Variants in BACH1 observed in about 807,000 individuals in gnomAD.
The protein encoded by BACH1 is transcription regulator protein BACH1.
A neutral mutation model predicts 52.9 loss-of-function variants in BACH1; 35 were observed. The ratio of observed to expected loss-of-function variants is 0.66; its 90% CI spans 0.51 to 0.88. The LOEUF is 0.88. Ranked by LOEUF, BACH1 falls within the 40% of genes least tolerant of loss-of-function variation. BACH1 has a pLI of 0.00. For missense variants in BACH1, 808 were observed against 872.6 expected (o/e 0.93, Z 0.93); for synonymous variants, 321 against 319.6 (o/e 1.00, Z -0.05).
downstream of BACH1, among the ~76,000 whole-genome samples, chr21:29,346,746 G>A (rs2089171065): frequency 6.6e-6 from 1 of 152,250 alleles, no homozygotes. Flanking sequence ...AAGATGACTT[G>A]TAAGAAAGTG....
At chr21:29,335,680 CT>C (rs2089036325) in intron 4 of BACH1, among the ~76,000 whole-genome samples, 1 of 152,204 alleles carries the variant, frequency 6.6e-6, no homozygotes, top group African/African-American at 2.4e-5. Context: ...CTATCTTGAT[CT>C]TTCCGCCTTT....
rs957755223 is a variant in BACH1 at position 29,326,497 on chromosome 21, C to T, written c.673C>T (p.Pro225Ser). 7 of 1,614,012 alleles carry T rather than the reference C, an allele frequency of 4.3e-6. No individual in the cohort carries two copies. The highest frequency in any genetic ancestry group is 1.6e-4 in the Middle Eastern group (1 of 6,084). Residue 225 changes from proline (P) to serine (S), a missense_variant, in exon 3 of 5, where the codon CCC becomes TCC. By Grantham distance (74) the Pro-to-Ser change is moderately conservative. Transcript: ENST00000286800. The stretch of plus-strand genomic sequence containing the variant: ...TGCTCTGGCCTTGCCTTCTTTATGC[C>T]CCAAATACAGAAAATTCCAAAAAGC... ...DAALALPSLC[P>S]KYRKFQKAFG...
chr21:29,301,762 AC>A (rs2088606121), intron 1 of BACH1, among the ~76,000 whole-genome samples: 1 of 151,512 alleles, frequency 6.6e-6, no homozygotes, highest in African/African-American at 2.4e-5. Context: ...TTGTACTGTT[AC>A]TCCTTGAAGT....
intron 1 of BACH1, among the ~76,000 whole-genome samples, chr21:29,316,303 T>C (rs568523989): frequency 3.3e-5 from 5 of 152,334 alleles, no homozygotes; most frequent in East Asian, 3.9e-4. Flanking sequence ...ACTTAAATTA[T>C]GTGCATTCAG....
chr21:29,328,891 T>TA (rs2088948229), intron 3 of BACH1, among the ~76,000 whole-genome samples: 1 of 152,244 alleles, frequency 6.6e-6, no homozygotes. Context: ...TCCTTCTTTT[T>TA]ATCAGGCTGA....
In BACH1 at chr21:29,329,706, G is replaced by A; in HGVS notation, c.1776+13G>A. ...AATTGAGAAGCTGGTAAGTGTAAAA[G>A]TTTCTTGTTACTATTTAAATTCCAC... On this transcript the variant is annotated intron_variant, in intron 4 of 4. Coordinates refer to ENST00000286800, the MANE Select transcript of BACH1 (RefSeq NM_001186.4). 6.7e-7 allele frequency: 1 copy of A among 1,485,742 alleles called. No individual in the cohort carries two copies. The highest frequency in any genetic ancestry group is 9.0e-7 in the Non-Finnish European group (1 of 1,114,642). 92.0% of individuals were successfully genotyped at this position (1,485,742 alleles called of 1,614,324 possible). A position where few individuals can be genotyped will look rare whatever the true frequency, so the allele number is the denominator to read the frequency against.
intron 2 of BACH1, among the ~76,000 whole-genome samples, chr21:29,324,556 T>TTG (rs59785894): frequency 0.034 from 4,956 of 145,048 alleles, 121 homozygotes; most frequent in Middle Eastern, 0.042. Flanking sequence ...TGGATGTACC[T>TTG]TGTGTGTGTG....
chr21:29,353,295 A>G (rs1289815577), intron 2 of BACH1, among the ~76,000 whole-genome samples: 1 of 152,208 alleles, frequency 6.6e-6, no homozygotes, highest in Non-Finnish European at 1.5e-5. Context: ...CCAATCTTGT[A>G]TGGTTGTAGT....
intron 1 of BACH1, among the ~76,000 whole-genome samples, chr21:29,301,472 T>G (rs945355661): frequency 1.3e-5 from 2 of 152,226 alleles, no homozygotes; most frequent in Non-Finnish European, 2.9e-5. Flanking sequence ...ACTGTTAATA[T>G]TCCATTTAAG....
intron 3 of BACH1, among the ~76,000 whole-genome samples, chr21:29,327,949 A>G (rs1175661589): frequency 2.6e-5 from 4 of 152,274 alleles, no homozygotes; most frequent in African/African-American, 7.2e-5. Context: ...GTGTTCACAC[A>G]TCGGCCATTT....
At position 29,344,980 on chromosome 21, in the gene BACH1, G is replaced by C. The variant is rs1391142928; in HGVS notation, c.*2147G>C. On this transcript the variant is annotated 3_prime_UTR_variant, in exon 5 of 5. Transcript: ENST00000286800. The stretch of plus-strand genomic sequence containing the variant: ...TTAAATATAATTTGTAAAGCACTTG[G>C]TTTAAATTTCTCTCTACCTATAAAC... 2 of 152,558 alleles carry C rather than the reference G, an allele frequency of 1.3e-5. No individual in the cohort carries two copies. The highest frequency in any genetic ancestry group is 4.8e-5 in the African/African-American group (2 of 41,422). 9.5% of individuals were successfully genotyped at this position (152,558 alleles called of 1,614,324 possible).
chr21:29,345,422 A>G lies in BACH1; in HGVS notation c.*2589A>G, dbSNP rs1407498401. The G allele has an allele frequency of 6.6e-6, 1 of 152,142 alleles. No individual in the cohort carries two copies. Among genetic ancestry groups the G allele is most frequent in the Non-Finnish European group, 1.5e-5 (1 of 67,998 alleles). 9.4% of individuals were successfully genotyped at this position (152,142 alleles called of 1,614,324 possible). A position where few individuals can be genotyped will look rare whatever the true frequency, so the allele number is the denominator to read the frequency against. ...CATATTCACATGATCATTGTTCACT[A>G]TTTTATGAACTGGCCTTCTCAATGT... On this transcript the variant is annotated 3_prime_UTR_variant, in exon 5 of 5. Transcript: ENST00000286800.
intron 1 of BACH1, among the ~76,000 whole-genome samples, chr21:29,319,543 G>A (rs1364284086): frequency 6.6e-6 from 1 of 151,706 alleles, no homozygotes; most frequent in Non-Finnish European, 1.5e-5. Flanking sequence ...CAGAAAACTG[G>A]TGAACAGTAC....
At chr21:29,360,155 CATCAATGTATAAA>C (rs2089262652) in intron 2 of BACH1, among the ~76,000 whole-genome samples, 1 of 152,162 alleles carries the variant, frequency 6.6e-6, no homozygotes, top group Admixed American at 6.5e-5. Context: ...ATTGAGGTCT[CATCAATGTATAAA>C]ATCAAGCTAA....
chr21:29,342,868 C>T lies in BACH1; in HGVS notation c.*35C>T, dbSNP rs2089131678. The T allele has an allele frequency of 6.5e-7, 1 of 1,533,570 alleles. No homozygotes were observed. Among genetic ancestry groups the T allele is most frequent in the African/African-American group, 1.4e-5 (1 of 72,388 alleles). 95.0% of individuals were successfully genotyped at this position (1,533,570 alleles called of 1,614,324 possible). Reference sequence around the variant, plus strand: ...CACTTCCTTCAAACCATCTAATTTTCTCCTGAAGTTTTGGCAGCGTCTTGA... The same window carrying T: ...CACTTCCTTCAAACCATCTAATTTTTTCCTGAAGTTTTGGCAGCGTCTTGA... On this transcript the variant is annotated 3_prime_UTR_variant, in exon 5 of 5. Transcript: ENST00000286800.
intron 3 of BACH1, 149 bp from the exon 4 acceptor site, chr21:29,329,335 TTGA>T: frequency 1.8e-6 from 1 of 559,926 alleles, no homozygotes. Context: ...AGATATCCTT[TTGA>T]GATTGTATAG....
intron 1 of BACH1, among the ~76,000 whole-genome samples, chr21:29,315,591 TC>T (rs1426031644): frequency 6.6e-6 from 1 of 152,202 alleles, no homozygotes; most frequent in Non-Finnish European, 1.5e-5. Context: ...TATGCACCGT[TC>T]CTGATGTCCA....
chr21:29,324,311 C>T (rs900386447), intron 2 of BACH1, among the ~76,000 whole-genome samples: 3 of 151,278 alleles, frequency 2.0e-5, no homozygotes, highest in African/African-American at 4.9e-5. Context: ...CCACAGACAT[C>T]TCCTGCCTAC....
chr21:29,358,818 A>AAAGAAAGAAAGAAAGAG (rs1569028922), intron 2 of BACH1, among the ~76,000 whole-genome samples: 1 of 136,956 alleles, frequency 7.3e-6, no homozygotes, highest in Non-Finnish European at 1.7e-5. Context: ...AAGAAAGAAG[A>AAAGAAAGAAAGAAAGAG]AAGAAAGAAA....
Sources: allele counts gnomAD v4.1 joint callset (sites outside exome capture counted in the v4.1 genomes callset), GRCh38; gene constraint gnomAD v4.1.1; transcripts MANE v1.5; gene names NCBI Gene and HGNC (gene_info 2026-07-23, HGNC 2026-07-21).